The following NOTCH2NLA variants were observed in gnomAD, a reference collection of about 807,000 sequenced individuals.
NOTCH2NLA encodes the protein notch homolog 2 N-terminal-like protein A.
chr1:146,180,379 T>C (rs1662486914), intron 2 of NOTCH2NLA, among the ~76,000 whole-genome samples: 1 of 142,308 alleles, frequency 7.0e-6, no homozygotes, highest in African/African-American at 2.5e-5. Context: ...TTCACTTTTC[T>C]TTCATAAAAC....
chr1:146,159,418 AG>A (rs1661361218), intron 3 of NOTCH2NLA, among the ~76,000 whole-genome samples: 3 of 150,012 alleles, frequency 2.0e-5, no homozygotes, highest in Admixed American at 1.3e-4. Flanking sequence ...AAAGAAAGAA[AG>A]AAAGAAAGAA....
intron 2 of NOTCH2NLA, among the ~76,000 whole-genome samples, chr1:146,172,691 C>T (rs1662049129): frequency 1.3e-5 from 2 of 151,774 alleles, no homozygotes; most frequent in South Asian, 4.1e-4. Context: ...CTGATCCTTC[C>T]AACAGCAGAT....
intron 1 of NOTCH2NLA, among the ~76,000 whole-genome samples, chr1:146,200,685 T>C (rs1663380706): frequency 7.8e-6 from 1 of 128,354 alleles, no homozygotes; most frequent in Non-Finnish European, 1.7e-5. Context: ...TCATATTCTT[T>C]CTTTATTGTA....
At chr1:146,182,689 AC>A (rs1376488767) in intron 2 of NOTCH2NLA, among the ~76,000 whole-genome samples, 6 of 132,724 alleles carry the variant, frequency 4.5e-5, no homozygotes, top group Non-Finnish European at 1.1e-4. Flanking sequence ...TACTAAAAAT[AC>A]AAAAAATTAG....
At chr1:146,158,440 T>C (rs1315049644) in intron 3 of NOTCH2NLA, among the ~76,000 whole-genome samples, 3 of 151,838 alleles carry the variant, frequency 2.0e-5, no homozygotes, top group Non-Finnish European at 2.9e-5. Flanking sequence ...CTTGCAATAG[T>C]TTGCTGAGAA....
intron 2 of NOTCH2NLA, among the ~76,000 whole-genome samples, chr1:146,174,400 C>CTTTTTTTTTTT (rs1209878010): frequency 1.0e-5 from 1 of 95,810 alleles, no homozygotes; most frequent in African/African-American, 4.1e-5. Context: ...CTGTCTTTAG[C>CTTTTTTTTTTT]TTTTTTTTTT....
chr1:146,188,025 T>G (rs587654456), intron 2 of NOTCH2NLA, among the ~76,000 whole-genome samples: 248 of 133,418 alleles, frequency 1.9e-3, no homozygotes, highest in African/African-American at 5.9e-3. Context: ...AAAATCTTGT[T>G]TATAACATTA....
intron 2 of NOTCH2NLA, among the ~76,000 whole-genome samples, chr1:146,176,593 T>G (rs2794092): frequency 9.4e-5 from 13 of 138,446 alleles, no homozygotes; most frequent in African/African-American, 3.2e-4. Flanking sequence ...GCTCTCTCCT[T>G]TATGCGCTAT....
Position 146,194,976 on chromosome 1 carries a change from A to C in NOTCH2NLA, c.-44-5595T>G, listed in dbSNP as rs1167934757. ...CTATCTAAATTCTACCCATTCCTTC[A>C]AGGCCCAGTTCACCTCTTGCCTCAC... On this transcript the variant is annotated intron_variant, in intron 1 of 4. Coordinates refer to ENST00000362074, the Ensembl canonical transcript of NOTCH2NLA. Among the ~76,000 whole-genome samples the C allele has an allele frequency of 3.5e-4, 39 of 110,918 alleles. 3 individuals carry two copies. Among genetic ancestry groups the C allele is most frequent in the African/African-American group, 1.5e-3 (39 of 25,582 alleles). The allele number at this position is 110,918 out of a possible 152,430, so 72.8% of individuals were successfully genotyped here.
downstream of NOTCH2NLA, chr1:146,153,363 GAAGAT>G (rs1336767528): frequency 8.2e-5 from 1 of 12,164 alleles, no homozygotes. Context: ...TATATAGTAA[GAAGAT>G]AAGAGTTACA....
intron 1 of NOTCH2NLA, among the ~76,000 whole-genome samples, chr1:146,226,210 G>GA (rs1664229696): frequency 1.3e-5 from 2 of 148,568 alleles, no homozygotes; most frequent in South Asian, 2.1e-4. Flanking sequence ...AAAGTGAAAG[G>GA]AAAAATAGTT....
downstream of NOTCH2NLA, chr1:146,154,224 G>GT (rs1222123392): frequency 4.7e-5 from 6 of 128,564 alleles, no homozygotes; most frequent in Non-Finnish European, 4.9e-5. Context: ...ATGTGGCGCA[G>GT]TAAGATGCAC....
At chr1:146,228,797 C>T in exon 1 of NOTCH2NLA, 3 of 1,554,524 alleles carry the variant, frequency 1.9e-6, no homozygotes, top group Non-Finnish European at 2.6e-6. Context: ...CGGTCGCCTC[C>T]TCCGCCGCCG....
chr1:146,174,401 T>A (rs1662151430), intron 2 of NOTCH2NLA, among the ~76,000 whole-genome samples: 4 of 7,148 alleles, frequency 5.6e-4, no homozygotes, highest in African/African-American at 1.8e-3. Context: ...TGTCTTTAGC[T>A]TTTTTTTTTT....
rs373851138 is a variant in NOTCH2NLA, at chr1:146,186,087, T to C, written c.38+3213A>G. Among the ~76,000 whole-genome samples, 1,150 of 134,782 alleles carry C rather than the reference T, an allele frequency of 8.5e-3. 74 individuals are homozygous for C. Among genetic ancestry groups the C allele is most frequent in the African/African-American group, 0.023 (932 of 40,064 alleles). 88.4% of individuals were successfully genotyped at this position (134,782 alleles called of 152,430 possible). On this transcript the variant is annotated intron_variant, in intron 2 of 4. Coordinates refer to ENST00000362074, the Ensembl canonical transcript of NOTCH2NLA. ...GCCTTGATATTGTTCTTGCTTTTTCTTTGTCCACTTATGTTGACCCTGCCA... is the reference window on the plus strand; with the variant it reads ...GCCTTGATATTGTTCTTGCTTTTTCCTTGTCCACTTATGTTGACCCTGCCA...
intron 1 of NOTCH2NLA, chr1:146,211,264 TA>T (rs1553816054): frequency 2.0e-4 from 1 of 5,066 alleles, no homozygotes. Context: ...AAATAAAGTG[TA>T]AAATGTGAGT....
At chr1:146,158,191 G>C (rs1399958595) in intron 3 of NOTCH2NLA, among the ~76,000 whole-genome samples, 1 of 151,398 alleles carries the variant, frequency 6.6e-6, no homozygotes, top group Admixed American at 6.6e-5. Flanking sequence ...TATACTTTAA[G>C]TTCTAGGGTA....
intron 2 of NOTCH2NLA, among the ~76,000 whole-genome samples, chr1:146,186,055 C>T (rs1410723450): frequency 8.8e-5 from 12 of 135,758 alleles, no homozygotes; most frequent in African/African-American, 2.5e-4. Flanking sequence ...GAATGATTGA[C>T]GTGGCTGCCT....
At chr1:146,171,500 C>T (rs1464678357) in intron 2 of NOTCH2NLA, among the ~76,000 whole-genome samples, 23 of 123,152 alleles carry the variant, frequency 1.9e-4, no homozygotes, top group Admixed American at 5.2e-4. Context: ...CTCTAGAGTG[C>T]GTGTGCTTCA....
Sources: allele counts gnomAD v4.1 joint callset (sites outside exome capture counted in the v4.1 genomes callset), GRCh38; gene constraint gnomAD v4.1.1; transcripts MANE v1.5; gene names NCBI Gene and HGNC (gene_info 2026-07-23, HGNC 2026-07-21).